Variants in NCOA3 observed in about 807,000 individuals in gnomAD.
NCOA3 encodes nuclear receptor coactivator 3.
NCOA3 carries 51 observed loss-of-function variants against 158.8 expected under a neutral mutation model. The ratio of observed to expected loss-of-function variants is 0.32; its 90% CI spans 0.26 to 0.41. NCOA3 has a LOEUF of 0.41. Ranked by LOEUF, NCOA3 falls within the 10% of genes least tolerant of loss-of-function variation. The pLI, the probability that NCOA3 is intolerant of heterozygous loss-of-function variation, is 1.00. For synonymous variants in NCOA3, 537 were observed against 592.4 expected, an observed-to-expected ratio of 0.91 and a Z score of 1.36; for missense variants, 1,510 against 1,746.6, an observed-to-expected ratio of 0.86 and a Z score of 2.41.
chr20:47,511,410 ATTTTTTT>A (rs35591258), intron 1 of NCOA3, among the ~76,000 whole-genome samples: 4 of 86,396 alleles, frequency 4.6e-5, no homozygotes, highest in Admixed American at 2.7e-4. Flanking sequence ...ACCATGCCTA[ATTTTTTT>A]TTTTTTTTTT....
Position 47,534,746 on chromosome 20 carries a change from C to T in NCOA3, c.-99+32727C>T, listed in dbSNP as rs149775552. On this transcript the variant is annotated intron_variant, in intron 1 of 22. Coordinates refer to ENST00000371998, the MANE Select transcript of NCOA3 (RefSeq NM_181659.3). ...TCTGGGCAACGTGGCGAAACCCCAT[C>T]TCTACCAAAAATCCAAAAAATTGTC... 8.1e-3 allele frequency among the ~76,000 whole-genome samples: 1,226 copies of T among 152,172 alleles called. 17 individuals are homozygous for T. The highest frequency in any genetic ancestry group is 0.026 in the African/African-American group (1,095 of 41,518).
chr20:47,642,438 G>T, intron 17 of NCOA3, 54 bp downstream of exon 17: 1 of 1,278,312 alleles, frequency 7.8e-7, no homozygotes, highest in Admixed American at 3.1e-5. Context: ...GTGTGCGCGC[G>T]TACACATTCA....
In NCOA3 at chr20:47,574,909, T is replaced by C. The variant is rs979114027; in HGVS notation, c.-98-8274T>C. Among the ~76,000 whole-genome samples the C allele has an allele frequency of 2.6e-5, 4 of 152,258 alleles. No homozygotes were observed. In the East Asian group the frequency reaches 7.7e-4, roughly 29 times the overall value. On this transcript the variant is annotated intron_variant, in intron 1 of 22. Coordinates refer to ENST00000371998, the MANE Select transcript of NCOA3 (RefSeq NM_181659.3). ...ATTGTAGCAGTGAGGATATCTGATA[T>C]AATTTTGACATCAGCATTATATATG...
intron 17 of NCOA3, among the ~76,000 whole-genome samples, chr20:47,646,847 GT>G (rs2086693251): frequency 6.6e-6 from 1 of 151,934 alleles, no homozygotes; most frequent in Non-Finnish European, 1.5e-5. Context: ...AGCACAGCAG[GT>G]TGTTCTCTTC....
At chr20:47,613,872 C>T (rs923141358) in intron 2 of NCOA3, among the ~76,000 whole-genome samples, 1 of 151,290 alleles carries the variant, frequency 6.6e-6, no homozygotes, top group Middle Eastern at 3.4e-3. Flanking sequence ...CGCTACTGCA[C>T]TCTAGCCTGG....
Position 47,586,320 on chromosome 20 carries a change from C to G in NCOA3, c.-20+3059C>G, listed in dbSNP as rs369565651. Among the ~76,000 whole-genome samples the G allele has an allele frequency of 1.1e-4, 17 of 152,082 alleles. No individual in the cohort carries two copies. In the East Asian group the frequency reaches 1.9e-3, roughly 17 times the overall value. On this transcript the variant is annotated intron_variant, in intron 2 of 22. Coordinates refer to ENST00000371998, the MANE Select transcript of NCOA3 (RefSeq NM_181659.3). Reference sequence around the variant, plus strand: ...TCTGGATATCCGTTATCCAGACTTACCCACTTGCTTATTTGTATTTGTGCT... The same window carrying G: ...TCTGGATATCCGTTATCCAGACTTAGCCACTTGCTTATTTGTATTTGTGCT...
chr20:47,584,125 A>G (rs982829437), intron 2 of NCOA3, among the ~76,000 whole-genome samples: 1 of 151,772 alleles, frequency 6.6e-6, no homozygotes, highest in African/African-American at 2.4e-5. Context: ...TAACACCCCC[A>G]GTTCTACAAA....
chr20:47,621,511 C>G (rs1461549812), intron 2 of NCOA3, among the ~76,000 whole-genome samples: 1 of 151,994 alleles, frequency 6.6e-6, no homozygotes, highest in African/African-American at 2.4e-5. Context: ...TTGTTTTAAA[C>G]AAGAGTTTAG....
chr20:47,564,248 A>G (rs932830008), intron 1 of NCOA3, among the ~76,000 whole-genome samples: 4 of 152,122 alleles, frequency 2.6e-5, no homozygotes, highest in African/African-American at 9.7e-5. Context: ...CATTAAAACA[A>G]TCATGTTATT....
At chr20:47,518,074 T>C (rs953575247) in intron 1 of NCOA3, among the ~76,000 whole-genome samples, 3 of 152,146 alleles carry the variant, frequency 2.0e-5, no homozygotes, top group African/African-American at 4.8e-5. Flanking sequence ...AGGCCAGCCA[T>C]GATGGCTCAC....
At chr20:47,510,292 G>A (rs964052276) in intron 1 of NCOA3, among the ~76,000 whole-genome samples, 19 of 151,818 alleles carry the variant, frequency 1.3e-4, no homozygotes, top group Admixed American at 1.2e-3. Flanking sequence ...AATTAGCTGG[G>A]CATGGTGGCG....
intron 2 of NCOA3, among the ~76,000 whole-genome samples, chr20:47,608,006 G>C (rs2085974296): frequency 6.6e-6 from 1 of 152,048 alleles, no homozygotes; most frequent in South Asian, 2.1e-4. Context: ...GTTAATATAT[G>C]ATGGGCTTTA....
At chr20:47,544,705 C>T (rs1250052436) in intron 1 of NCOA3, among the ~76,000 whole-genome samples, 1 of 152,020 alleles carries the variant, frequency 6.6e-6, no homozygotes, top group African/African-American at 2.4e-5. Context: ...GGTAATCAGC[C>T]AGTTTTTTTT....
At chr20:47,554,237 G>T (rs2084967480) in intron 1 of NCOA3, among the ~76,000 whole-genome samples, 1 of 152,072 alleles carries the variant, frequency 6.6e-6, no homozygotes, top group Non-Finnish European at 1.5e-5. Context: ...CCCACTTTTT[G>T]ATGGGGTTGT....
intron 2 of NCOA3, among the ~76,000 whole-genome samples, chr20:47,588,758 A>G (rs2085577801): frequency 6.6e-6 from 1 of 152,100 alleles, no homozygotes; most frequent in African/African-American, 2.4e-5. Flanking sequence ...ATAGCGTACT[A>G]TATATACTCT....
At chr20:47,592,901 C>G (rs956518151) in intron 2 of NCOA3, among the ~76,000 whole-genome samples, 3 of 152,208 alleles carry the variant, frequency 2.0e-5, no homozygotes, top group African/African-American at 7.2e-5. Context: ...GAAAGTATGT[C>G]TGTGGTTACT....
At position 47,650,841 on chromosome 20, in the gene NCOA3, C is replaced by T. The variant is rs370663333; in HGVS notation, c.3652-141C>T. The T allele has an allele frequency of 6.7e-5, 53 of 792,334 alleles. No homozygotes were observed. The East Asian group carries it at 7.4e-4, about 11-fold the overall frequency. The allele number at this position is 792,334 out of a possible 1,614,324, so 49.1% of individuals were successfully genotyped here. ...TTGTGCCACTGCGCTCCAGCCTGGGCGACAGAGTGAGACCCTGTTAAAAAA... is the reference window on the plus strand; with the variant it reads ...TTGTGCCACTGCGCTCCAGCCTGGGTGACAGAGTGAGACCCTGTTAAAAAA... On this transcript the variant is annotated intron_variant, in intron 19 of 22. Transcript: ENST00000371998.
Position 47,622,218 on chromosome 20 carries a change from TTCTC to T in NCOA3, c.-19-7_-19-4del, listed in dbSNP as rs769828450. On this transcript the variant is annotated splice_region_variant and splice_polypyrimidine_tract_variant and intron_variant, in intron 2 of 22. Coordinates refer to ENST00000371998, the MANE Select transcript of NCOA3 (RefSeq NM_181659.3). ...AATGTACTTATCTTATTTCTCATTA[TTCTC>T]TCTTAGTTGCTGATGTATATTCAAG... 15 of 1,387,170 alleles carry T rather than the reference TTCTC, an allele frequency of 1.1e-5. No individual in the cohort carries two copies. The highest frequency in any genetic ancestry group is 1.8e-5 in the Admixed American group (1 of 55,526). The allele number at this position is 1,387,170 out of a possible 1,614,324, so 85.9% of individuals were successfully genotyped here. A position where few individuals can be genotyped will look rare whatever the true frequency, so the allele number is the denominator to read the frequency against.
chr20:47,615,526 T>C (rs1385571999), intron 2 of NCOA3, among the ~76,000 whole-genome samples: 1 of 152,234 alleles, frequency 6.6e-6, no homozygotes, highest in East Asian at 1.9e-4. Flanking sequence ...TGATTAGTGC[T>C]GCTAAGCCAT....
Sources: gnomAD v4.1 joint callset for allele counts (sites outside exome capture counted in the v4.1 genomes callset) on GRCh38, gnomAD v4.1.1 for gene constraint, MANE v1.5 for transcripts, NCBI Gene and HGNC (gene_info 2026-07-23, HGNC 2026-07-21) for gene names.